The following ZNF782 variants were observed in gnomAD, a reference collection of about 807,000 sequenced individuals.
ZNF782 encodes zinc finger protein 782.
In ZNF782, 12 loss-of-function variants were observed where a neutral mutation model predicts 13.0. The observed-to-expected ratio is 0.92, with a 90% CI of 0.59 to 1.50. The LOEUF is 1.50. Among genes scored for constraint, ZNF782 ranks in the 40% most tolerant of loss-of-function variants. ZNF782 has a pLI of 0.00. For synonymous variants in ZNF782, 284 were observed against 283.0 expected (o/e 1.00, Z -0.04); for missense variants, 770 against 822.9 (o/e 0.94, Z 0.79).
In ZNF782 at chr9:96,850,588, A is replaced by C. The variant is rs768674909; in HGVS notation, c.15+1359T>G. On this transcript the variant is annotated intron_variant, in intron 3 of 5. Transcript: ENST00000481138. This position sits in a 1 kb window ranked among gnomAD's most constrained non-coding sequence, Gnocchi z 4.3. ...ACTTGTCAGACCACGGGTGAACTAA[A>C]ATCTCAGAATTCACCACTATATAAT... is the stretch of plus-strand genomic sequence containing the variant. Among the ~76,000 whole-genome samples the C allele has an allele frequency of 4.6e-5, 7 of 152,176 alleles. No homozygotes were observed. The highest frequency in any genetic ancestry group is 7.2e-5 in the African/African-American group (3 of 41,446).
rs141781125 is a variant in ZNF782 at position 96,836,305 on chromosome 9, C to T, written c.142+8585G>A. On this transcript the variant is annotated intron_variant, in intron 4 of 5. Transcript: ENST00000481138. The stretch of plus-strand genomic sequence containing the variant: ...TCAGCTCACTGCAATCTCCACCTCC[C>T]GGATTCAAGCGCTTCTCCTGCCTCA... Among the ~76,000 whole-genome samples the T allele has an allele frequency of 5.1e-3, 771 of 152,038 alleles. 8 individuals are homozygous for T. Among genetic ancestry groups the T allele is most frequent in the African/African-American group, 0.018 (730 of 41,470 alleles).
chr9:96,931,583 G>A, the ZNF782 span: 1 of 720,696 alleles, frequency 1.4e-6, no homozygotes, highest in Non-Finnish European at 2.3e-6. Flanking sequence ...CAGAGCATCT[G>A]ATGCACACTC....
chr9:96,912,478 AGT>A, the ZNF782 span, among the ~76,000 whole-genome samples: 1 of 148,538 alleles, frequency 6.7e-6, no homozygotes, highest in Non-Finnish European at 1.5e-5. Flanking sequence ...CGGGCGACAG[AGT>A]GAGTTTCCAT....
the ZNF782 span, chr9:96,889,762 ATATATG>A: frequency 6.6e-6 from 1 of 152,188 alleles, no homozygotes; most frequent in African/African-American, 2.4e-5. Flanking sequence ...CTTGGGTCAT[ATATATG>A]TATGTGTGTG....
At chr9:96,839,022 C>A (rs1278838164) in intron 4 of ZNF782, among the ~76,000 whole-genome samples, 1 of 151,992 alleles carries the variant, frequency 6.6e-6, no homozygotes, top group African/African-American at 2.4e-5. Flanking sequence ...CCTATCCAGG[C>A]AACTTTTTAC....
chr9:96,825,350 C>T (rs1457214306), intron 5 of ZNF782, among the ~76,000 whole-genome samples: 1 of 149,952 alleles, frequency 6.7e-6, no homozygotes, highest in Non-Finnish European at 1.5e-5. Flanking sequence ...ACTGGCTAGC[C>T]ATATGTAGAA....
the ZNF782 span, among the ~76,000 whole-genome samples, chr9:96,926,461 G>C: frequency 1.3e-5 from 2 of 152,262 alleles, no homozygotes; most frequent in South Asian, 2.1e-4. Flanking sequence ...GATCGAGGTA[G>C]AGTTGCACAG....
chr9:96,868,621 G>A (rs999640942), intron 1 of ZNF782, among the ~76,000 whole-genome samples: 8 of 152,210 alleles, frequency 5.3e-5, no homozygotes, highest in African/African-American at 1.7e-4. Context: ...CCTTTGAAAA[G>A]ATGTGGGAAA....
chr9:96,854,625 T>C (rs976741147), upstream of ZNF782: 7 of 152,260 alleles, frequency 4.6e-5, no homozygotes, highest in Non-Finnish European at 1.0e-4. Context: ...GCCTTCGACG[T>C]GACTCCTCAC....
At chr9:96,876,500 A>G (rs1345850428), upstream of ZNF782, among the ~76,000 whole-genome samples, 1 of 152,192 alleles carries the variant, frequency 6.6e-6, no homozygotes, top group African/African-American at 2.4e-5. Context: ...TCCCTCCATC[A>G]GTTTGCCTTT....
upstream of ZNF782, among the ~76,000 whole-genome samples, chr9:96,857,217 T>C (rs1851654411): frequency 6.6e-6 from 1 of 152,228 alleles, no homozygotes; most frequent in Admixed American, 6.5e-5. Context: ...ACTGGGCCTG[T>C]GTGTGTGCTG....
At chr9:96,930,423 C>CT in the ZNF782 span, among the ~76,000 whole-genome samples, 2 of 151,116 alleles carry the variant, frequency 1.3e-5, no homozygotes, top group African/African-American at 4.9e-5. Flanking sequence ...ACTCAGGAGG[C>CT]TGAGGCAGGA....
intron 1 of ZNF782, among the ~76,000 whole-genome samples, chr9:96,853,310 G>A (rs958476447): frequency 5.3e-5 from 8 of 152,170 alleles, no homozygotes; most frequent in Non-Finnish European, 1.0e-4. Context: ...GGAGGATCAA[G>A]AACTGCTTCT....
chr9:96,918,186 G>A, the ZNF782 span, among the ~76,000 whole-genome samples: 2 of 151,142 alleles, frequency 1.3e-5, no homozygotes, highest in African/African-American at 4.9e-5. Context: ...TGGATAACTT[G>A]AGTCAGGAGT....
chr9:96,857,328 T>C (rs1851655569), upstream of ZNF782, among the ~76,000 whole-genome samples: 1 of 152,210 alleles, frequency 6.6e-6, no homozygotes, highest in Non-Finnish European at 1.5e-5. Context: ...TACATTTCTA[T>C]GGGCACAGTA....
chr9:96,923,792 TAC>T, the ZNF782 span, among the ~76,000 whole-genome samples: 1 of 142,574 alleles, frequency 7.0e-6, no homozygotes, highest in South Asian at 2.4e-4. Flanking sequence ...CACTCACACC[TAC>T]ACACTCTCAC....
chr9:96,924,832 C>G, the ZNF782 span, among the ~76,000 whole-genome samples: 1 of 152,220 alleles, frequency 6.6e-6, no homozygotes, highest in Non-Finnish European at 1.5e-5. Context: ...CATTGTTAAA[C>G]CTCCCCCTTC....
chr9:96,871,536 C>CA (rs1442501548), intron 1 of ZNF782, among the ~76,000 whole-genome samples: 1 of 152,058 alleles, frequency 6.6e-6, no homozygotes, highest in Non-Finnish European at 1.5e-5. Context: ...AGGACTGAAA[C>CA]AAAAAATTAA....
At chr9:96,880,986 T>A in the ZNF782 span, among the ~76,000 whole-genome samples, 8 of 152,162 alleles carry the variant, frequency 5.3e-5, no homozygotes, top group Admixed American at 2.0e-4. Context: ...ATTATCTATT[T>A]TATAGTTGGT....
Sources: gnomAD v4.1 joint callset for allele counts (sites outside exome capture counted in the v4.1 genomes callset) on GRCh38, gnomAD v4.1.1 for gene constraint, Gnocchi (gnomAD v3.1) non-coding constraint, MANE v1.5 for transcripts, NCBI Gene and HGNC (gene_info 2026-07-23, HGNC 2026-07-21) for gene names.